The following HACD2 variants were observed in gnomAD, a reference collection of about 807,000 sequenced individuals.
The protein encoded by HACD2 is 3-hydroxyacyl-CoA dehydratase 2, also known as very-long-chain (3R)-3-hydroxyacyl-CoA dehydratase 2.
Under a neutral mutation model 31.0 loss-of-function variants are expected in HACD2, and 15 were observed. That is an observed-to-expected ratio of 0.48 (90% CI 0.32 to 0.75). HACD2 has a LOEUF of 0.75. HACD2 is among the 30% of genes least tolerant of loss of function. HACD2 has a pLI of 0.03. For synonymous variants in HACD2, 115 were observed against 122.2 expected (o/e 0.94, Z 0.39); for missense variants, 283 against 313.0 (o/e 0.90, Z 0.72).
chr3:123,512,403 A>G (rs1017905821), intron 4 of HACD2, among the ~76,000 whole-genome samples: 5 of 152,138 alleles, frequency 3.3e-5, no homozygotes, highest in African/African-American at 7.2e-5. Flanking sequence ...ATGTCATTAG[A>G]TAAGATTCAC....
At chr3:123,556,555 A>G (rs2056674872) in intron 3 of HACD2, among the ~76,000 whole-genome samples, 1 of 152,250 alleles carries the variant, frequency 6.6e-6, no homozygotes, top group African/African-American at 2.4e-5. Context: ...ATCTATAGTA[A>G]CAAGTTTTCA....
rs1203742170 is a variant in HACD2 at position 123,517,998 on chromosome 3, C to T, written c.381+10388G>A. Among the ~76,000 whole-genome samples, 7 of 2,524 alleles carry T rather than the reference C, an allele frequency of 2.8e-3. 3 individuals carry two copies. Among genetic ancestry groups the T allele is most frequent in the East Asian group, 1 (2 of 2 alleles). The allele number at this position is 2,524 out of a possible 152,430, so 1.7% of individuals were successfully genotyped here. ...ACGAGGTCAGGAGATCGAGACCATC[C>T]CGGCTAAAACGGTGAAACCCCGTCT... On this transcript the variant is annotated intron_variant, in intron 4 of 6. Transcript: ENST00000383657.
chr3:123,515,771 T>A (rs1243069882), intron 4 of HACD2, among the ~76,000 whole-genome samples: 2 of 152,170 alleles, frequency 1.3e-5, no homozygotes, highest in Non-Finnish European at 2.9e-5. Flanking sequence ...TTTGTTTTTT[T>A]TTGAGACGGA....
chr3:123,500,256 C>A (rs2055885374), intron 6 of HACD2, among the ~76,000 whole-genome samples: 1 of 152,132 alleles, frequency 6.6e-6, no homozygotes, highest in South Asian at 2.1e-4. Flanking sequence ...ACATACTTAA[C>A]CTAGCCTGGT....
intron 3 of HACD2, among the ~76,000 whole-genome samples, chr3:123,558,756 A>G (rs2056697526): frequency 3.3e-5 from 5 of 152,198 alleles, no homozygotes. Context: ...GCATAAATCA[A>G]ATTATTCTTT....
chr3:123,535,770 C>T (rs780596298), intron 3 of HACD2, among the ~76,000 whole-genome samples: 15 of 152,226 alleles, frequency 9.9e-5, no homozygotes, highest in African/African-American at 3.4e-4. Flanking sequence ...TCTATGGGAA[C>T]CAGGGACACT....
chr3:123,575,110 AT>A (rs34388496), intron 2 of HACD2, among the ~76,000 whole-genome samples: 39,138 of 143,324 alleles, frequency 0.27, 6,848 homozygotes, highest in African/African-American at 0.53. Flanking sequence ...AAGAATTTTC[AT>A]TTTTTTTTTT....
chr3:123,575,235 G>A (rs886708942), intron 2 of HACD2, among the ~76,000 whole-genome samples: 5 of 151,694 alleles, frequency 3.3e-5, no homozygotes, highest in African/African-American at 9.7e-5. Flanking sequence ...TTAGCCTCCC[G>A]AGTAGCTAGG....
intron 2 of HACD2, among the ~76,000 whole-genome samples, chr3:123,579,245 T>C (rs1364719622): frequency 6.6e-6 from 1 of 152,170 alleles, no homozygotes; most frequent in Admixed American, 6.5e-5. Context: ...TTAATGTCCC[T>C]ACCTTCCATA....
intron 4 of HACD2, among the ~76,000 whole-genome samples, chr3:123,521,116 T>C (rs1280001560): frequency 6.6e-6 from 1 of 152,154 alleles, no homozygotes; most frequent in African/African-American, 2.4e-5. Context: ...TAGACACATC[T>C]TATGCTTGAA....
rs189562089 is a variant in HACD2 at position 123,529,800 on chromosome 3, G to A, written c.293-1326C>T. On this transcript the variant is annotated intron_variant, in intron 3 of 6. Coordinates refer to ENST00000383657, the MANE Select transcript of HACD2 (RefSeq NM_198402.5). ...AATTATAAAACCTGGTTATATAATT[G>A]TGTAATACAGCTAACAGAGCTAATT... is the stretch of plus-strand genomic sequence containing the variant. Among the ~76,000 whole-genome samples, 49 of 152,214 alleles carry A rather than the reference G, an allele frequency of 3.2e-4. No homozygotes were observed. In the East Asian group the frequency reaches 6.4e-3, roughly 20 times the overall value.
chr3:123,499,619 G>A (rs1905955), intron 6 of HACD2: 1 of 456,572 alleles, frequency 2.2e-6, no homozygotes. Context: ...ATGAGGAGAA[G>A]TCCAACCCTG....
intron 6 of HACD2, among the ~76,000 whole-genome samples, chr3:123,500,018 G>A (rs2055883068): frequency 6.6e-6 from 1 of 152,088 alleles, no homozygotes; most frequent in Non-Finnish European, 1.5e-5. Context: ...ACAAGAAAAT[G>A]AAAAATTTAG....
rs376931320 is a variant in HACD2, at chr3:123,496,933, C to T, written c.683-1963G>A. On this transcript the variant is annotated intron_variant, in intron 6 of 6. Coordinates refer to ENST00000383657, the MANE Select transcript of HACD2 (RefSeq NM_198402.5). The stretch of plus-strand genomic sequence containing the variant: ...GGCAGTTCAAGGAAGAAGATGGCCA[C>T]GCAGACCTTCATTTCCATGGGCAGG... Among the ~76,000 whole-genome samples, 6 of 152,280 alleles carry T rather than the reference C, an allele frequency of 3.9e-5. No homozygotes were observed. The South Asian group carries it at 6.2e-4, about 16-fold the overall frequency.
intron 2 of HACD2, among the ~76,000 whole-genome samples, chr3:123,576,631 A>G (rs2056910679): frequency 6.6e-6 from 1 of 152,226 alleles, no homozygotes; most frequent in Admixed American, 6.5e-5. Flanking sequence ...CTTGCATTTC[A>G]GAAGTTCCTT....
intron 4 of HACD2, among the ~76,000 whole-genome samples, chr3:123,526,456 C>T (rs755433902): frequency 1.3e-5 from 2 of 151,440 alleles, no homozygotes; most frequent in Non-Finnish European, 2.9e-5. Context: ...ATCCAAGAGG[C>T]GATGGGAAGA....
chr3:123,542,279 T>C (rs1337322031), intron 3 of HACD2, among the ~76,000 whole-genome samples: 2 of 144,222 alleles, frequency 1.4e-5, no homozygotes, highest in East Asian at 2.1e-4. Context: ...AATAAACAAA[T>C]ATATGGAATT....
intron 4 of HACD2, among the ~76,000 whole-genome samples, chr3:123,521,991 T>C (rs774792671): frequency 2.0e-5 from 3 of 152,068 alleles, no homozygotes; most frequent in African/African-American, 4.8e-5. Context: ...AGGAGAAAGA[T>C]GCAACATGGG....
chr3:123,496,537 C>G (rs973814714), intron 6 of HACD2, among the ~76,000 whole-genome samples: 4 of 152,184 alleles, frequency 2.6e-5, no homozygotes, highest in African/African-American at 9.7e-5. Flanking sequence ...CTGCCATCCA[C>G]GCCATTGCTA....
Sources: allele counts gnomAD v4.1 joint callset (sites outside exome capture counted in the v4.1 genomes callset), GRCh38; gene constraint gnomAD v4.1.1; transcripts MANE v1.5; gene names NCBI Gene and HGNC (gene_info 2026-07-23, HGNC 2026-07-21).